The following SYNE1 variants were observed in gnomAD, a reference collection of about 807,000 sequenced individuals.
SYNE1 encodes nesprin-1.
A neutral mutation model predicts 1,111.0 loss-of-function variants in SYNE1; 616 were observed. That is an observed-to-expected ratio of 0.55 (90% CI 0.52 to 0.59). SYNE1 has a LOEUF of 0.59. Among genes scored for constraint, SYNE1 ranks in the 20% least tolerant of loss-of-function variants. The pLI, the probability that SYNE1 is intolerant of heterozygous loss-of-function variation, is 0.00. For synonymous variants in SYNE1, 3,855 were observed against 3,825.8 expected (o/e 1.01, Z -0.28); for missense variants, 10,006 against 10,417.0 (o/e 0.96, Z 1.72).
chr6:152,620,198 C>A (rs2099672305), intron 3 of SYNE1, among the ~76,000 whole-genome samples: 2 of 152,146 alleles, frequency 1.3e-5, no homozygotes, highest in African/African-American at 4.8e-5. Context: ...TTCAGACCTT[C>A]CTTTTGTCTT....
At chr6:152,206,097 A>G (rs1294071734) in intron 126 of SYNE1, 71 bp downstream of exon 126, 1 of 1,399,318 alleles carries the variant, frequency 7.1e-7, no homozygotes, top group East Asian at 2.3e-5. Context: ...TGATTTGTAG[A>G]ATAACAATGG....
chr6:152,159,259 A>T (rs2152980132), intron 131 of SYNE1, among the ~76,000 whole-genome samples: 1 of 152,314 alleles, frequency 6.6e-6, no homozygotes, highest in Middle Eastern at 3.4e-3. Flanking sequence ...GCTTCTTCTT[A>T]GTAATTTGTA....
chr6:152,373,127 T>C lies in SYNE1; in HGVS notation c.9417A>G (p.Lys3139=). 1.2e-6 allele frequency: 2 copies of C among 1,614,144 alleles called. No individual in the cohort carries two copies. Among genetic ancestry groups the C allele is most frequent in the Non-Finnish European group, 1.7e-6 (2 of 1,180,028 alleles). ...ELLSTLLTKE[K]AKGIQAKVTA... ...TAACTTTGGCCTGGATCCCTTTCGC[T>C]TTCTCTTTGGTCAGCAGGGTACTCA... Residue 3139 remains lysine, a synonymous_variant, in exon 59 of 146, where the codon AAA becomes AAG. Coordinates refer to ENST00000367255, the MANE Select transcript of SYNE1 (RefSeq NM_182961.4).
chr6:152,500,713 G>T (rs1396854890), intron 10 of SYNE1, among the ~76,000 whole-genome samples: 1 of 152,070 alleles, frequency 6.6e-6, no homozygotes, highest in African/African-American at 2.4e-5. Flanking sequence ...ACTTTGGGAG[G>T]CCGAGGTGAG....
intron 31 of SYNE1, 66 bp downstream of exon 31, chr6:152,442,009 G>C: frequency 6.3e-7 from 1 of 1,590,554 alleles, no homozygotes; most frequent in Non-Finnish European, 8.6e-7. Context: ...TTGGTGTTAT[G>C]AGGCACAACC....
chr6:152,528,699 G>A (rs2099178670), intron 4 of SYNE1, among the ~76,000 whole-genome samples: 1 of 152,134 alleles, frequency 6.6e-6, no homozygotes, highest in Non-Finnish European at 1.5e-5. Flanking sequence ...TTGTGTCCAT[G>A]CCAGTATATG....
intron 63 of SYNE1, among the ~76,000 whole-genome samples, chr6:152,363,039 C>T (rs1281240649): frequency 4.0e-5 from 6 of 151,344 alleles, no homozygotes; most frequent in Admixed American, 3.9e-4. Context: ...CGCCACCATG[C>T]CCGGCTAATT....
In SYNE1 at chr6:152,213,630, T is replaced by C. The variant is rs1244124255; in HGVS notation, c.22476A>G (p.Glu7492=). 4.3e-6 allele frequency: 7 copies of C among 1,614,006 alleles called. No homozygotes were observed. Among genetic ancestry groups the C allele is most frequent in the Non-Finnish European group, 5.9e-6 (7 of 1,179,994 alleles). The change falls in exon 123 of 146, where the codon GAA becomes GAG. Residue 7492 remains glutamate (E), a synonymous_variant. Coordinates refer to ENST00000367255, the MANE Select transcript of SYNE1 (RefSeq NM_182961.4). Reference sequence around the variant, plus strand: ...AACTTACCTCGTGTGCTCTCTGCTGTTCCAAAAGGTGCTGATAATTTCCTG... The same window carrying C: ...AACTTACCTCGTGTGCTCTCTGCTGCTCCAAAAGGTGCTGATAATTTCCTG... ...EISGNYQHLL[E]QQRAHELFQA...
chr6:152,245,932 T>A (rs1478628268), intron 105 of SYNE1, among the ~76,000 whole-genome samples: 1 of 152,258 alleles, frequency 6.6e-6, no homozygotes, highest in East Asian at 1.9e-4. Context: ...AGTGCTTGAC[T>A]GAAAGCAAGG....
intron 127 of SYNE1, among the ~76,000 whole-genome samples, chr6:152,199,100 G>A (rs115632524): frequency 0.014 from 2,116 of 151,948 alleles, 50 homozygotes; most frequent in African/African-American, 0.049. Context: ...CACATAATTT[G>A]ATAAATTGCT....
chr6:152,200,122 T>C (rs74355194), intron 127 of SYNE1, among the ~76,000 whole-genome samples: 2,324 of 152,298 alleles, frequency 0.015, 34 homozygotes, highest in Non-Finnish European at 0.021. Flanking sequence ...AAGTACATAA[T>C]AACACCACCA....
chr6:152,530,145 G>A (rs1347685121), intron 4 of SYNE1, among the ~76,000 whole-genome samples: 5 of 152,160 alleles, frequency 3.3e-5, no homozygotes, highest in East Asian at 1.9e-4. Context: ...AGACAGGCCC[G>A]TCTTTGGAAC....
At chr6:152,130,604 G>T in intron 145 of SYNE1, 116 bp downstream of exon 145, 2 of 999,458 alleles carry the variant, frequency 2.0e-6, no homozygotes, top group South Asian at 1.3e-5. Context: ...GGACTGAAAT[G>T]AGTAATTTCC....
At chr6:152,246,775 T>G (rs1171866716) in intron 105 of SYNE1, among the ~76,000 whole-genome samples, 1 of 152,202 alleles carries the variant, frequency 6.6e-6, no homozygotes, top group East Asian at 1.9e-4. Context: ...TTGTGAAATT[T>G]CAGGACACTG....
Position 152,137,040 on chromosome 6 carries a change from G to A in SYNE1, c.25459-222C>T, listed in dbSNP as rs1036137947. Among the ~76,000 whole-genome samples the A allele has an allele frequency of 1.8e-4, 27 of 151,990 alleles. 1 individual carries two copies. The highest frequency in any genetic ancestry group is 6.5e-4 in the African/African-American group (27 of 41,362). The stretch of plus-strand genomic sequence containing the variant: ...CATGGATGAATCTTAAGAAAACAGG[G>A]TGTAGAGTGAAAACGTCAGAAACAG... On this transcript the variant is annotated intron_variant, in intron 140 of 145. Transcript: ENST00000367255.
In SYNE1 at chr6:152,511,143, A is replaced by T. The variant is rs1420431939; in HGVS notation, c.310-40T>A. 3.3e-6 allele frequency: 5 copies of T among 1,527,126 alleles called. No homozygotes were observed. In the South Asian group the frequency reaches 5.6e-5, roughly 17 times the overall value. 94.6% of individuals were successfully genotyped at this position (1,527,126 alleles called of 1,614,324 possible). A position where few individuals can be genotyped will look rare whatever the true frequency, so the allele number is the denominator to read the frequency against. On this transcript the variant is annotated intron_variant, in intron 6 of 145. Transcript: ENST00000367255. The stretch of plus-strand genomic sequence containing the variant: ...GAAACTGTACTAGTAATGTACTAGA[A>T]TATTATAACTCATTTAATTATGTAA...
At chr6:152,145,593 C>G (rs1562999913) in intron 137 of SYNE1, 4 of 1,568,040 alleles carry the variant, frequency 2.6e-6, no homozygotes, top group Non-Finnish European at 3.5e-6. Flanking sequence ...CAGCTAAGTT[C>G]TGGAAACCCT....
chr6:152,312,054 G>A (rs1324674038), intron 87 of SYNE1, among the ~76,000 whole-genome samples: 2 of 152,178 alleles, frequency 1.3e-5, no homozygotes, highest in African/African-American at 4.8e-5. Context: ...AAAATGCTGG[G>A]ATTACAGGCG....
At chr6:152,342,759 AT>A (rs1280152585) in intron 74 of SYNE1, among the ~76,000 whole-genome samples, 4 of 152,234 alleles carry the variant, frequency 2.6e-5, no homozygotes, top group African/African-American at 4.8e-5. Flanking sequence ...TTTAAAAAAA[AT>A]ATTTCCCACA....
Sources: allele counts gnomAD v4.1 joint callset (sites outside exome capture counted in the v4.1 genomes callset), GRCh38; gene constraint gnomAD v4.1.1; transcripts MANE v1.5; gene names NCBI Gene and HGNC (gene_info 2026-07-23, HGNC 2026-07-21).